The following PKHD1 variants were observed in gnomAD, a reference collection of about 807,000 sequenced individuals.
The protein encoded by PKHD1 is fibrocystin.
Under a neutral mutation model 412.0 loss-of-function variants are expected in PKHD1, and 291 were observed. The ratio of observed to expected loss-of-function variants is 0.71; its 90% CI spans 0.64 to 0.78. PKHD1 has a LOEUF of 0.78. Among genes scored for constraint, PKHD1 ranks in the 30% least tolerant of loss-of-function variants. PKHD1 has a pLI of 0.00. For synonymous variants in PKHD1, 1,777 were observed against 1,821.5 expected (o/e 0.98, Z 0.62); for missense variants, 4,825 against 4,950.7 (o/e 0.97, Z 0.76).
chr6:51,896,361 C>A (rs899520022), intron 43 of PKHD1, among the ~76,000 whole-genome samples: 25 of 151,622 alleles, frequency 1.6e-4, no homozygotes, highest in Non-Finnish European at 3.4e-4. Flanking sequence ...TGACCCCTGA[C>A]CCCCGAGCAG....
intron 54 of PKHD1, among the ~76,000 whole-genome samples, chr6:51,774,464 A>G (rs184194236): frequency 1.3e-5 from 2 of 152,130 alleles, no homozygotes; most frequent in East Asian, 3.9e-4. Flanking sequence ...AGTGAATACC[A>G]CAGGCAAAAG....
chr6:51,946,067 T>C (rs1366835491), intron 36 of PKHD1, among the ~76,000 whole-genome samples: 1 of 152,242 alleles, frequency 6.6e-6, no homozygotes, highest in Non-Finnish European at 1.5e-5. Flanking sequence ...TGGGTAAATA[T>C]ATAAACATGG....
chr6:51,798,851 T>G (rs756433596), intron 52 of PKHD1, among the ~76,000 whole-genome samples: 6 of 152,208 alleles, frequency 3.9e-5, no homozygotes, highest in Non-Finnish European at 8.8e-5. Flanking sequence ...TAAAATTGGT[T>G]GAACTAATGC....
chr6:51,767,441 C>T (rs1053088020), intron 55 of PKHD1, among the ~76,000 whole-genome samples: 1 of 151,946 alleles, frequency 6.6e-6, no homozygotes, highest in Admixed American at 6.6e-5. Flanking sequence ...CACCCATTAA[C>T]TCGTCATTTA....
intron 53 of PKHD1, among the ~76,000 whole-genome samples, chr6:51,778,948 A>C (rs919185598): frequency 3.9e-5 from 6 of 152,002 alleles, no homozygotes; most frequent in Admixed American, 2.0e-4. Flanking sequence ...TTCATCCCTC[A>C]AAACTTGGCT....
rs962850604 is a variant in PKHD1 at position 52,024,971 on chromosome 6, G to A, written c.4839C>T (p.Cys1613=). The part of the protein sequence containing the change: ...TTSVYIDQQT[C]LTVNIGAELI... ...GCTCAGCACCGATGTTCACCGTCAG[G>A]CAGGTCTGCTGGTCAATATAGACTG... Residue 1613 remains cysteine, a synonymous_variant, in exon 32 of 67, where the codon TGC becomes TGT. Coordinates refer to ENST00000371117, the MANE Select transcript of PKHD1 (RefSeq NM_138694.4). The A allele has an allele frequency of 6.2e-7, 1 of 1,614,222 alleles. No homozygotes were observed. The highest frequency in any genetic ancestry group is 8.5e-7 in the Non-Finnish European group (1 of 1,180,038).
intron 52 of PKHD1, among the ~76,000 whole-genome samples, chr6:51,792,061 C>T (rs985806692): frequency 4.6e-5 from 7 of 152,132 alleles, no homozygotes; most frequent in Non-Finnish European, 1.0e-4. Flanking sequence ...GCTTCCCATG[C>T]TTATAGTGCT....
chr6:52,028,607 G>T (rs1802583999), intron 29 of PKHD1, among the ~76,000 whole-genome samples: 1 of 151,806 alleles, frequency 6.6e-6, no homozygotes, highest in South Asian at 2.1e-4. Flanking sequence ...AACCTCCAGG[G>T]CTCAAGCAAT....
intron 50 of PKHD1, among the ~76,000 whole-genome samples, chr6:51,845,909 T>A (rs1384916537): frequency 6.6e-6 from 1 of 152,204 alleles, no homozygotes; most frequent in Admixed American, 6.5e-5. Context: ...ATATGACCTA[T>A]GGACAAGACA....
chr6:51,771,199 TACACAC>T (rs113140015), intron 55 of PKHD1, among the ~76,000 whole-genome samples: 31 of 150,266 alleles, frequency 2.1e-4, no homozygotes, highest in South Asian at 6.3e-4. Flanking sequence ...ACAGGTAGGA[TACACAC>T]ACACACACAC....
intron 37 of PKHD1, among the ~76,000 whole-genome samples, chr6:51,929,477 G>C (rs571115203): frequency 1.3e-5 from 2 of 150,610 alleles, no homozygotes; most frequent in East Asian, 4.0e-4. Flanking sequence ...AATATTCATT[G>C]TTTAGGGAAC....
chr6:51,766,502 A>C (rs75840270), intron 55 of PKHD1, among the ~76,000 whole-genome samples: 2,381 of 152,216 alleles, frequency 0.016, 57 homozygotes, highest in African/African-American at 0.053. Context: ...TGTTTTAATT[A>C]ATATTCAATT....
intron 52 of PKHD1, among the ~76,000 whole-genome samples, chr6:51,820,179 T>TA (rs1402522012): frequency 1.3e-5 from 1 of 76,308 alleles, no homozygotes; most frequent in African/African-American, 3.7e-5. Flanking sequence ...TCCCATAGCC[T>TA]AAGGTATGTG....
chr6:51,800,525 C>A (rs948072089), intron 52 of PKHD1, among the ~76,000 whole-genome samples: 2 of 152,158 alleles, frequency 1.3e-5, no homozygotes, highest in African/African-American at 2.4e-5. Context: ...AATTTGACTA[C>A]CACAGTTACA....
At chr6:51,657,794 T>G (rs1053907563) in intron 61 of PKHD1, among the ~76,000 whole-genome samples, 4 of 152,126 alleles carry the variant, frequency 2.6e-5, no homozygotes. Context: ...ACTCATTGAC[T>G]TTTCTCTGTT....
chr6:51,843,320 A>G (rs1770564939), intron 50 of PKHD1, among the ~76,000 whole-genome samples: 1 of 152,356 alleles, frequency 6.6e-6, no homozygotes, highest in Non-Finnish European at 1.5e-5. Flanking sequence ...CAGGAATCAC[A>G]TGGGCAAGAG....
chr6:51,822,196 T>C (rs1225930601), intron 52 of PKHD1, among the ~76,000 whole-genome samples: 1 of 152,182 alleles, frequency 6.6e-6, no homozygotes, highest in Non-Finnish European at 1.5e-5. Context: ...TTTTTAATTT[T>C]AACAAAGATA....
chr6:51,763,788 T>C (rs1234367820), intron 55 of PKHD1, among the ~76,000 whole-genome samples: 1 of 152,074 alleles, frequency 6.6e-6, no homozygotes, highest in Non-Finnish European at 1.5e-5. Flanking sequence ...TGTCTCTTGC[T>C]GGGTGTCTCT....
intron 60 of PKHD1, among the ~76,000 whole-genome samples, chr6:51,672,637 G>T (rs187256195): frequency 5.0e-4 from 76 of 152,288 alleles, no homozygotes; most frequent in African/African-American, 1.8e-3. Context: ...TTTATTCAAG[G>T]TTGGGTTCAT....
Sources: allele counts gnomAD v4.1 joint callset (sites outside exome capture counted in the v4.1 genomes callset), GRCh38; gene constraint gnomAD v4.1.1; transcripts MANE v1.5; gene names NCBI Gene and HGNC (gene_info 2026-07-23, HGNC 2026-07-21).